Variants in ASPRV1 observed in about 807,000 individuals in gnomAD.
ASPRV1 encodes the protein retroviral-like aspartic protease 1.
Under a neutral mutation model 11.0 loss-of-function variants are expected in ASPRV1, and 7 were observed. The observed-to-expected ratio is 0.64, with a 90% CI of 0.36 to 1.20. The LOEUF (loss-of-function observed/expected upper bound fraction) is 1.20, where lower values mean the gene tolerates loss of function less well. ASPRV1 is among the 50% of genes most tolerant of loss of function. The pLI is 0.02. For missense variants in ASPRV1, 299 were observed against 320.0 expected (o/e 0.93, Z 0.50); for synonymous variants, 136 against 138.4 (o/e 0.98, Z 0.12).
chr2:70,065,572 AG>A, the ASPRV1 span, among the ~76,000 whole-genome samples: 1 of 152,036 alleles, frequency 6.6e-6, no homozygotes, highest in African/African-American at 2.4e-5. Context: ...TAGATAGTCA[AG>A]GGAAGACCTG....
At chr2:70,042,231 G>C in the ASPRV1 span, among the ~76,000 whole-genome samples, 2 of 152,238 alleles carry the variant, frequency 1.3e-5, no homozygotes, top group African/African-American at 4.8e-5. Flanking sequence ...TGAAATCCAG[G>C]GCAAGAGCTC....
the ASPRV1 span, among the ~76,000 whole-genome samples, chr2:69,944,175 G>A: frequency 6.6e-6 from 1 of 152,194 alleles, no homozygotes; most frequent in Non-Finnish European, 1.5e-5. Context: ...TAAAGCATCA[G>A]GATCCCTTGT....
At chr2:70,029,332 TAAAAAC>T in the ASPRV1 span, among the ~76,000 whole-genome samples, 9 of 151,830 alleles carry the variant, frequency 5.9e-5, no homozygotes, top group East Asian at 3.9e-4. Context: ...ACATTGGCAA[TAAAAAC>T]AAAAACAAAA....
chr2:69,997,010 A>G, the ASPRV1 span: 2 of 258,324 alleles, frequency 7.7e-6, no homozygotes, highest in Non-Finnish European at 1.6e-5. Flanking sequence ...ATTTCTAGGT[A>G]AGGCAGAATA....
At chr2:69,957,262 C>T (rs1196013893), downstream of ASPRV1, among the ~76,000 whole-genome samples, 1 of 151,684 alleles carries the variant, frequency 6.6e-6, no homozygotes, top group Non-Finnish European at 1.5e-5. Flanking sequence ...ATCATATTTG[C>T]GATTTTCAAA....
At chr2:70,008,486 G>A in the ASPRV1 span, among the ~76,000 whole-genome samples, 1 of 152,322 alleles carries the variant, frequency 6.6e-6, no homozygotes, top group Admixed American at 6.5e-5. Flanking sequence ...AGGCAGCCAG[G>A]AACCTTGGAT....
the ASPRV1 span, among the ~76,000 whole-genome samples, chr2:70,002,116 C>A: frequency 6.6e-6 from 1 of 152,154 alleles, no homozygotes; most frequent in South Asian, 2.1e-4. Context: ...TTTCCTACTT[C>A]TCTTGTAAGA....
the ASPRV1 span, among the ~76,000 whole-genome samples, chr2:70,057,945 C>T: frequency 6.6e-6 from 1 of 151,950 alleles, no homozygotes; most frequent in Non-Finnish European, 1.5e-5. Context: ...AGGCGCATGC[C>T]ACCATGCCCA....
upstream of ASPRV1, chr2:69,961,969 G>T (rs966034042): frequency 2.7e-6 from 1 of 377,114 alleles, no homozygotes; most frequent in Non-Finnish European, 5.0e-6. Context: ...ACGCCCATCA[G>T]CTCAGAGACC....
chr2:70,084,037 G>A, the ASPRV1 span, among the ~76,000 whole-genome samples: 1 of 152,076 alleles, frequency 6.6e-6, no homozygotes, highest in Non-Finnish European at 1.5e-5. Flanking sequence ...ACGTCCAAAC[G>A]TGGGCTACCG....
the ASPRV1 span, chr2:69,996,756 G>A: frequency 6.6e-6 from 3 of 456,660 alleles, no homozygotes; most frequent in South Asian, 3.1e-5. Context: ...ACCTGAGGCT[G>A]AGTCTGTGTG....
the ASPRV1 span, among the ~76,000 whole-genome samples, chr2:69,948,371 A>G: frequency 6.6e-6 from 1 of 152,194 alleles, no homozygotes; most frequent in African/African-American, 2.4e-5. Flanking sequence ...CATGAAGGGG[A>G]CACTGTCCTC....
chr2:69,972,213 C>A, the ASPRV1 span, among the ~76,000 whole-genome samples: 1 of 151,882 alleles, frequency 6.6e-6, no homozygotes, highest in African/African-American at 2.4e-5. Flanking sequence ...AGGCGCCCAC[C>A]ACCACGCCTG....
the ASPRV1 span, chr2:69,941,346 TTTC>T: frequency 1.3e-5 from 2 of 152,216 alleles, no homozygotes; most frequent in African/African-American, 2.4e-5. Context: ...GTATTTTGGT[TTTC>T]TTTTGCTAAG....
At chr2:69,937,037 T>C in the ASPRV1 span, 1 of 729,716 alleles carries the variant, frequency 1.4e-6, no homozygotes, top group Non-Finnish European at 2.5e-6. Flanking sequence ...CCCCCAGCAC[T>C]GGCGATGCTG....
the ASPRV1 span, among the ~76,000 whole-genome samples, chr2:70,051,973 T>C: frequency 6.6e-6 from 1 of 151,668 alleles, no homozygotes; most frequent in Non-Finnish European, 1.5e-5. Flanking sequence ...AGACCCTGTC[T>C]CCAAAAAAAA....
the ASPRV1 span, among the ~76,000 whole-genome samples, chr2:70,012,527 G>C: frequency 1.1e-4 from 17 of 152,104 alleles, no homozygotes; most frequent in African/African-American, 2.7e-4. Flanking sequence ...TTGCACTGAT[G>C]ATGCAAAAGC....
chr2:70,028,935 G>A, the ASPRV1 span, among the ~76,000 whole-genome samples: 2 of 150,472 alleles, frequency 1.3e-5, no homozygotes, highest in Admixed American at 6.6e-5. Context: ...GAGAGACTCC[G>A]TCTCCAAAAA....
At position 69,961,578 on chromosome 2, in the gene ASPRV1, G is replaced by A. The variant is rs554265585; in HGVS notation, c.-142C>T. The A allele has an allele frequency of 1.2e-6, 2 of 1,613,776 alleles. No homozygotes were observed. The highest frequency in any genetic ancestry group is 1.7e-5 in the Admixed American group (1 of 60,024). ...CTTGCCCGGCCTTGGGCAAGCAGGA[G>A]GGAGCAGGCGCGGTCGGCTGGCTGA... On this transcript the variant is annotated 5_prime_UTR_variant, in exon 1 of 1. Transcript: ENST00000320256.
Sources: gnomAD v4.1 joint callset for allele counts (sites outside exome capture counted in the v4.1 genomes callset) on GRCh38, gnomAD v4.1.1 for gene constraint, MANE v1.5 for transcripts, NCBI Gene and HGNC (gene_info 2026-07-23, HGNC 2026-07-21) for gene names.